Variants in KHDRBS2 observed in about 807,000 individuals in gnomAD.
The protein encoded by KHDRBS2 is KH domain-containing, RNA-binding, signal transduction-associated protein 2.
In KHDRBS2, 26 loss-of-function variants were observed where a neutral mutation model predicts 44.3. The observed-to-expected ratio is 0.59, with a 90% confidence interval of 0.43 to 0.81. The LOEUF is 0.81. Ranked by LOEUF, KHDRBS2 falls within the 40% of genes least tolerant of loss-of-function variation. The pLI, the probability that KHDRBS2 is intolerant of heterozygous loss-of-function variation, is 0.00. For synonymous variants in KHDRBS2, 194 were observed against 151.1 expected, an observed-to-expected ratio of 1.28 and a Z score of -2.08; for missense variants, 476 against 433.1, an observed-to-expected ratio of 1.10 and a Z score of -0.88.
intron 1 of KHDRBS2, among the ~76,000 whole-genome samples, chr6:62,278,687 A>G (rs189703527): frequency 2.0e-5 from 3 of 152,302 alleles, no homozygotes; most frequent in East Asian, 1.9e-4. Context: ...AAGGAGGCCA[A>G]TTGTCTCAGT....
chr6:61,755,036 C>A (rs114715315), intron 6 of KHDRBS2, among the ~76,000 whole-genome samples: 2,463 of 152,122 alleles, frequency 0.016, 30 homozygotes, highest in Non-Finnish European at 0.025. Flanking sequence ...TATTTTACAT[C>A]TAATAAATCA....
chr6:61,669,350 T>C, the KHDRBS2 span, among the ~76,000 whole-genome samples: 1 of 150,914 alleles, frequency 6.6e-6, no homozygotes, highest in Non-Finnish European at 1.5e-5. Context: ...TTGTAAACAA[T>C]ATATATGCAA....
At chr6:62,074,927 T>C (rs1796033121) in intron 2 of KHDRBS2, among the ~76,000 whole-genome samples, 1 of 151,982 alleles carries the variant, frequency 6.6e-6, no homozygotes, top group African/African-American at 2.4e-5. Context: ...CTACAGTTTT[T>C]GAATTTCATC....
intron 7 of KHDRBS2, among the ~76,000 whole-genome samples, chr6:61,723,314 G>C (rs1208303947): frequency 6.6e-6 from 1 of 152,016 alleles, no homozygotes; most frequent in Non-Finnish European, 1.5e-5. Flanking sequence ...AACTCAAAAA[G>C]CCAGAGAGCC....
At chr6:61,848,994 CAT>C (rs1795054844) in intron 6 of KHDRBS2, among the ~76,000 whole-genome samples, 1 of 151,960 alleles carries the variant, frequency 6.6e-6, no homozygotes, top group Non-Finnish European at 1.5e-5. Flanking sequence ...ACAATCATTA[CAT>C]ATCACACAGG....
chr6:62,197,192 T>C (rs1585156867), intron 1 of KHDRBS2, among the ~76,000 whole-genome samples: 1 of 152,216 alleles, frequency 6.6e-6, no homozygotes, highest in East Asian at 1.9e-4. Context: ...GTAAATGAAT[T>C]TGTCATATAT....
At chr6:61,749,664 G>T (rs982900908) in intron 6 of KHDRBS2, among the ~76,000 whole-genome samples, 20 of 152,158 alleles carry the variant, frequency 1.3e-4, no homozygotes, top group Non-Finnish European at 2.4e-4. Flanking sequence ...TTTTCTATAT[G>T]ATTCACTTCT....
rs767164811 is a variant in KHDRBS2, at chr6:62,047,983, C to A, written c.231G>T (p.Val77=). Residue 77 remains valine (V), a synonymous_variant, in exon 3 of 9, where the codon GTG becomes GTT. Transcript: ENST00000281156. ...TTCCTCTTGGTCCAAGCAATTTCCC[C>A]ACAAAATTGAACTAGGAAACAAAAT... ...PVKQYPKFNF[V]GKLLGPRGNS... is the part of the protein sequence containing the mutation. 1.9e-6 allele frequency: 3 copies of A among 1,583,600 alleles called. No individual in the cohort carries two copies. Among genetic ancestry groups the A allele is most frequent in the South Asian group, 2.2e-5 (2 of 90,428 alleles).
intron 2 of KHDRBS2, among the ~76,000 whole-genome samples, chr6:62,069,189 T>C (rs978460706): frequency 6.6e-6 from 1 of 151,820 alleles, no homozygotes; most frequent in East Asian, 2.0e-4. Flanking sequence ...TACTGTTGAC[T>C]GGAAGCCTTA....
intron 8 of KHDRBS2, among the ~76,000 whole-genome samples, chr6:61,683,613 A>G (rs937729706): frequency 6.6e-6 from 1 of 151,914 alleles, no homozygotes; most frequent in Non-Finnish European, 1.5e-5. Flanking sequence ...AATCTTATAT[A>G]TTTGTTATAG....
Position 61,708,023 on chromosome 6 carries a change from C to T in KHDRBS2, c.894-10770G>A, listed in dbSNP as rs752167491. 6.7e-4 allele frequency among the ~76,000 whole-genome samples: 101 copies of T among 151,654 alleles called. No homozygotes were observed. In the Middle Eastern group the frequency reaches 0.01, roughly 15 times the overall value. On this transcript the variant is annotated intron_variant, in intron 7 of 8. Transcript: ENST00000281156. ...TAGCTTATTTAGCCAGCATTTGGTG[C>T]ACATATTTTAGACAGTTAATTTTTC...
intron 6 of KHDRBS2, among the ~76,000 whole-genome samples, chr6:61,824,185 G>T (rs1024669389): frequency 5.3e-5 from 8 of 152,078 alleles, no homozygotes; most frequent in African/African-American, 1.7e-4. Context: ...AAATGATATG[G>T]TTTGGCTCTG....
chr6:62,061,096 C>A (rs1262578751), intron 2 of KHDRBS2, among the ~76,000 whole-genome samples: 1 of 151,882 alleles, frequency 6.6e-6, no homozygotes, highest in African/African-American at 2.4e-5. Context: ...TTCCTGAATA[C>A]AGCACACTGA....
At position 61,945,107 on chromosome 6, in the gene KHDRBS2, A is replaced by ATGT. The variant is rs1562490070; in HGVS notation, c.483+32958_483+32959insACA. Among the ~76,000 whole-genome samples, 32 of 37,410 alleles carry ATGT rather than the reference A, an allele frequency of 8.6e-4. 2 individuals are homozygous for ATGT. The highest frequency in any genetic ancestry group is 2.2e-3 in the African/African-American group (25 of 11,282). The allele number at this position is 37,410 out of a possible 152,430, so 24.5% of individuals were successfully genotyped here. A position where few individuals can be genotyped will look rare whatever the true frequency, so the allele number is the denominator to read the frequency against. Reference sequence around the variant, plus strand: ...CTCTGTCTTAAAAAAAAAAAAAAAAAAAAAAGTATATATATATATATATAT... The same window carrying ATGT: ...CTCTGTCTTAAAAAAAAAAAAAAAAATGTAAAAAGTATATATATATATATATAT... On this transcript the variant is annotated intron_variant, in intron 4 of 8. Coordinates refer to ENST00000281156, the MANE Select transcript of KHDRBS2 (RefSeq NM_152688.4).
At chr6:62,282,843 A>G (rs913320184) in intron 1 of KHDRBS2, among the ~76,000 whole-genome samples, 8 of 152,150 alleles carry the variant, frequency 5.3e-5, no homozygotes, top group Admixed American at 2.0e-4. Flanking sequence ...GCAAAAAAAC[A>G]TATACATCAC....
At chr6:62,064,003 C>G (rs1036666957) in intron 2 of KHDRBS2, among the ~76,000 whole-genome samples, 19 of 148,412 alleles carry the variant, frequency 1.3e-4, no homozygotes, top group Non-Finnish European at 2.2e-4. Flanking sequence ...AACAGAGACC[C>G]AAATCATGAG....
At chr6:61,695,327 GC>G (rs1767790874) in intron 8 of KHDRBS2, among the ~76,000 whole-genome samples, 1 of 152,090 alleles carries the variant, frequency 6.6e-6, no homozygotes, top group African/African-American at 2.4e-5. Context: ...GGTACTTAAT[GC>G]TCTCAGTCTT....
chr6:61,976,474 T>C (rs1230185562), intron 4 of KHDRBS2, among the ~76,000 whole-genome samples: 2 of 152,176 alleles, frequency 1.3e-5, no homozygotes, highest in Admixed American at 6.5e-5. Context: ...TATGTATATA[T>C]ACATATGTGT....
At chr6:61,597,773 T>TACAC in the KHDRBS2 span, among the ~76,000 whole-genome samples, 187 of 42,286 alleles carry the variant, frequency 4.4e-3, 15 homozygotes, top group Middle Eastern at 0.068. Flanking sequence ...TATATATATA[T>TACAC]ACACCAAGAT....
Sources: allele counts gnomAD v4.1 joint callset (sites outside exome capture counted in the v4.1 genomes callset), GRCh38; gene constraint gnomAD v4.1.1; transcripts MANE v1.5; gene names NCBI Gene and HGNC (gene_info 2026-07-23, HGNC 2026-07-21).